Variants in ZNF385D observed in about 807,000 individuals in gnomAD.
The protein encoded by ZNF385D is zinc finger protein 659.
Under a neutral mutation model 35.8 loss-of-function variants are expected in ZNF385D, and 15 were observed. The observed-to-expected ratio is 0.42, with a 90% CI of 0.28 to 0.64. The LOEUF (loss-of-function observed/expected upper bound fraction) is 0.64, where lower values mean the gene tolerates loss of function less well. ZNF385D is among the 30% of genes least tolerant of loss of function. The pLI is 0.23. For missense variants in ZNF385D, 474 were observed against 494.6 expected (o/e 0.96, Z 0.39); for synonymous variants, 212 against 186.8 (o/e 1.13, Z -1.10).
At chr3:21,567,031 G>T (rs956281716) in intron 2 of ZNF385D, among the ~76,000 whole-genome samples, 1 of 152,186 alleles carries the variant, frequency 6.6e-6, no homozygotes, top group African/African-American at 2.4e-5. Flanking sequence ...TCAGCAGCTT[G>T]TTCCTTTTTA....
intron 2 of ZNF385D, among the ~76,000 whole-genome samples, chr3:21,577,384 C>T (rs796760442): frequency 5.5e-4 from 84 of 152,130 alleles, no homozygotes; most frequent in African/African-American, 1.8e-3. Context: ...GTATATATAC[C>T]ACATTTTCTT....
intron 2 of ZNF385D, among the ~76,000 whole-genome samples, chr3:22,193,382 A>G (rs1414980538): frequency 6.7e-6 from 1 of 148,854 alleles, no homozygotes; most frequent in Non-Finnish European, 1.5e-5. Flanking sequence ...TTTGAAATAG[A>G]TCAAAAAAAT....
At chr3:21,715,523 A>T (rs116569673) in intron 1 of ZNF385D, among the ~76,000 whole-genome samples, 14 of 152,114 alleles carry the variant, frequency 9.2e-5, no homozygotes, top group South Asian at 2.1e-4. Flanking sequence ...GGGTGATTCC[A>T]TATCTTTGCT....
In ZNF385D at chr3:22,071,646, G is replaced by A. The variant is rs777128663; in HGVS notation, c.325+97171C>T. On this transcript the variant is annotated intron_variant, in intron 3 of 5. Coordinates refer to the ZNF385D transcript ENST00000494108. Reference sequence around the variant, plus strand: ...TAAGCTCAACATTTCAACATACTTAGAAAATATCCCTGATTATTTGAGTAA... The same window carrying A: ...TAAGCTCAACATTTCAACATACTTAAAAAATATCCCTGATTATTTGAGTAA... 9.4e-4 allele frequency among the ~76,000 whole-genome samples: 143 copies of A among 152,074 alleles called. 1 individual carries two copies. The highest frequency in any genetic ancestry group is 1.6e-3 in the Non-Finnish European group (110 of 67,998).
chr3:21,428,817 C>T (rs1287961457), intron 5 of ZNF385D, among the ~76,000 whole-genome samples: 1 of 151,918 alleles, frequency 6.6e-6, no homozygotes, highest in African/African-American at 2.4e-5. Context: ...TCTTTTATCA[C>T]CTTTAAAAGG....
chr3:22,325,087 A>G (rs951713267), intron 2 of ZNF385D, among the ~76,000 whole-genome samples: 2 of 152,248 alleles, frequency 1.3e-5, no homozygotes, highest in African/African-American at 4.8e-5. Context: ...TGCACGCCAC[A>G]GAGTGCTATA....
chr3:21,474,013 T>A (rs1389592846), intron 4 of ZNF385D, among the ~76,000 whole-genome samples: 2 of 152,108 alleles, frequency 1.3e-5, no homozygotes, highest in African/African-American at 2.4e-5. Flanking sequence ...TATATATGTG[T>A]GTGTGTATAT....
intron 3 of ZNF385D, among the ~76,000 whole-genome samples, chr3:21,545,025 G>A (rs940008047): frequency 6.6e-6 from 1 of 152,186 alleles, no homozygotes; most frequent in Non-Finnish European, 1.5e-5. Flanking sequence ...GCTAACATAT[G>A]TTCGAAAATT....
intron 1 of ZNF385D, among the ~76,000 whole-genome samples, chr3:21,703,564 C>A (rs1005695674): frequency 1.4e-4 from 22 of 152,070 alleles, no homozygotes; most frequent in African/African-American, 5.3e-4. Flanking sequence ...ACAGTTTCAG[C>A]ACGCCATTTA....
intron 3 of ZNF385D, chr3:21,961,285 G>A (rs1004196624): frequency 1.3e-5 from 2 of 152,024 alleles, no homozygotes; most frequent in Non-Finnish European, 2.9e-5. Context: ...TTAAATAAAT[G>A]AATGAAAGAA....
chr3:22,324,571 C>A (rs866990256), intron 2 of ZNF385D, among the ~76,000 whole-genome samples: 1 of 152,098 alleles, frequency 6.6e-6, no homozygotes, highest in African/African-American at 2.4e-5. Context: ...ATTTCATTAT[C>A]CTATGAGCAT....
At chr3:22,268,839 GTTA>G (rs1250637182) in intron 2 of ZNF385D, among the ~76,000 whole-genome samples, 2 of 151,876 alleles carry the variant, frequency 1.3e-5, no homozygotes, top group Non-Finnish European at 2.9e-5. Flanking sequence ...GCCTCATGTA[GTTA>G]CTCTACCCAA....
rs140444702 is a variant in ZNF385D, at chr3:21,441,389, C to T, written c.440-4186G>A. ...TGGAGAAATTTGGGAACTTGCCCAA[C>T]GCCAGAGCTGCCAACAGGTAACACA... On this transcript the variant is annotated intron_variant, in intron 4 of 7. Coordinates refer to ENST00000281523, the MANE Select transcript of ZNF385D (RefSeq NM_024697.3). Among the ~76,000 whole-genome samples the T allele has an allele frequency of 2.8e-3, 420 of 152,294 alleles. 1 individual carries two copies. The highest frequency in any genetic ancestry group is 9.6e-3 in the African/African-American group (398 of 41,544).
chr3:21,726,539 CAGAG>C (rs1221339783), intron 1 of ZNF385D, among the ~76,000 whole-genome samples: 5 of 152,130 alleles, frequency 3.3e-5, no homozygotes, highest in African/African-American at 4.8e-5. Flanking sequence ...CAATAACAAA[CAGAG>C]AGCCAAATCA....
intron 3 of ZNF385D, among the ~76,000 whole-genome samples, chr3:21,552,249 G>C (rs1377491093): frequency 1.3e-5 from 2 of 152,042 alleles, no homozygotes; most frequent in Non-Finnish European, 2.9e-5. Flanking sequence ...TTTTGATTTT[G>C]GTTATTTAAA....
chr3:21,808,584 G>A (rs62239199), intron 3 of ZNF385D, among the ~76,000 whole-genome samples: 31,161 of 152,164 alleles, frequency 0.2, 3,428 homozygotes, highest in East Asian at 0.36. Flanking sequence ...CTTTGTGCCA[G>A]TGCTGTGGCC....
intron 3 of ZNF385D, among the ~76,000 whole-genome samples, chr3:21,547,172 G>C (rs1458760268): frequency 2.0e-5 from 3 of 152,082 alleles, no homozygotes; most frequent in African/African-American, 7.2e-5. Context: ...ACTCCCCTCA[G>C]ATGAAGCCTC....
At position 22,122,902 on chromosome 3, in the gene ZNF385D, C is replaced by T. The variant is rs146804032; in HGVS notation, c.325+45915G>A. Reference sequence around the variant, plus strand: ...GATGAAGTAAAGCAGTATGGGTGAACGCCATAAGTGACTGGAAAAGGAGCA... The same window carrying T: ...GATGAAGTAAAGCAGTATGGGTGAATGCCATAAGTGACTGGAAAAGGAGCA... On this transcript the variant is annotated intron_variant, in intron 3 of 5. Transcript: ENST00000494108. Among the ~76,000 whole-genome samples, 874 of 152,178 alleles carry T rather than the reference C, an allele frequency of 5.7e-3. 9 individuals carry two copies. Among genetic ancestry groups the T allele is most frequent in the African/African-American group, 0.019 (798 of 41,504 alleles).
At chr3:21,984,153 G>T (rs1270580881) in intron 3 of ZNF385D, among the ~76,000 whole-genome samples, 3 of 135,622 alleles carry the variant, frequency 2.2e-5, no homozygotes, top group Non-Finnish European at 4.5e-5. Context: ...TTGCTGTGCA[G>T]AAGCTCTTTA....
Sources: allele counts gnomAD v4.1 joint callset (sites outside exome capture counted in the v4.1 genomes callset), GRCh38; gene constraint gnomAD v4.1.1; transcripts MANE v1.5; gene names NCBI Gene and HGNC (gene_info 2026-07-23, HGNC 2026-07-21).